MYO16: variants seen among roughly 807,000 people sequenced by gnomAD.
MYO16 encodes the protein unconventional myosin-XVI.
Under a neutral mutation model 205.3 loss-of-function variants are expected in MYO16, and 94 were observed. The ratio of observed to expected loss-of-function variants is 0.46; its 90% confidence interval spans 0.39 to 0.54. MYO16 has a LOEUF of 0.54. Ranked by LOEUF, MYO16 falls within the 20% of genes least tolerant of loss-of-function variation. The pLI is 0.00. For missense variants in MYO16, 2,315 were observed against 2,387.5 expected, an observed-to-expected ratio of 0.97 and a Z score of 0.63; for synonymous variants, 988 against 954.0, an observed-to-expected ratio of 1.04 and a Z score of -0.66.
the MYO16 span, among the ~76,000 whole-genome samples, chr13:108,584,143 C>A: frequency 6.6e-6 from 1 of 151,894 alleles, no homozygotes; most frequent in East Asian, 1.9e-4. Context: ...TTAGTAGAGA[C>A]GAGTTTTCAC....
intron 4 of MYO16, among the ~76,000 whole-genome samples, chr13:108,767,216 C>T (rs1885807817): frequency 6.6e-6 from 1 of 152,114 alleles, no homozygotes; most frequent in Non-Finnish European, 1.5e-5. Flanking sequence ...CATTCTCCTG[C>T]CTCAGTCTCC....
rs1165597995 is a variant in MYO16 at position 109,022,379 on chromosome 13, A to G, written c.2796+2468A>G. On this transcript the variant is annotated intron_variant, in intron 23 of 34. Transcript: ENST00000457511. ...ATATGTATATATGTATGTATTATAT[A>G]TACAAATATACATATATGTATATAT... Among the ~76,000 whole-genome samples the G allele has an allele frequency of 3.9e-5, 3 of 77,308 alleles. 1 individual carries two copies. Among genetic ancestry groups the G allele is most frequent in the African/African-American group, 1.1e-4 (2 of 17,826 alleles). 50.7% of individuals were successfully genotyped at this position (77,308 alleles called of 152,430 possible).
chr13:109,075,452 T>C (rs7320345), intron 27 of MYO16, among the ~76,000 whole-genome samples: 72,548 of 142,460 alleles, frequency 0.51, 17,697 homozygotes, highest in Middle Eastern at 0.57. Context: ...TACAATGGCA[T>C]GGTCTTGGCT....
intron 16 of MYO16, among the ~76,000 whole-genome samples, chr13:108,939,013 A>G (rs1330108830): frequency 6.6e-6 from 1 of 152,220 alleles, no homozygotes; most frequent in African/African-American, 2.4e-5. Flanking sequence ...GAGAGAGCAC[A>G]AAGCATCTAC....
intron 15 of MYO16, among the ~76,000 whole-genome samples, chr13:108,900,747 A>G (rs1477043447): frequency 6.6e-6 from 1 of 152,216 alleles, no homozygotes; most frequent in Non-Finnish European, 1.5e-5. Context: ...GTGTTTGAAC[A>G]ATATGAAATC....
intron 23 of MYO16, among the ~76,000 whole-genome samples, chr13:109,026,908 C>G (rs1886381792): frequency 1.3e-5 from 2 of 152,200 alleles, no homozygotes; most frequent in South Asian, 4.1e-4. Context: ...GTAAATATTA[C>G]TATTTCCGTT....
At chr13:108,813,364 A>G (rs573838090) in intron 7 of MYO16, among the ~76,000 whole-genome samples, 55 of 152,256 alleles carry the variant, frequency 3.6e-4, no homozygotes, top group Middle Eastern at 3.4e-3. Context: ...GAGCTTAGGT[A>G]TATGTAATTC....
At chr13:108,559,530 G>A in the MYO16 span, among the ~76,000 whole-genome samples, 1 of 131,276 alleles carries the variant, frequency 7.6e-6, no homozygotes, top group South Asian at 2.5e-4. Flanking sequence ...CTGGAGTGCA[G>A]TGGCGTGATC....
At chr13:109,010,186 C>A (rs897312730) in intron 22 of MYO16, among the ~76,000 whole-genome samples, 1 of 152,140 alleles carries the variant, frequency 6.6e-6, no homozygotes, top group African/African-American at 2.4e-5. Flanking sequence ...ACTATGACAA[C>A]CTTTCACATG....
intron 33 of MYO16, chr13:109,167,360 T>C (rs1310659145): frequency 7.4e-6 from 1 of 134,962 alleles, no homozygotes; most frequent in East Asian, 2.0e-4. Flanking sequence ...AAGGGATGGC[T>C]AAAGCATTGT....
chr13:109,046,816 A>G (rs1887058778), intron 23 of MYO16, 100 bp from the exon 24 acceptor site: 1 of 959,572 alleles, frequency 1.0e-6, no homozygotes, highest in Non-Finnish European at 1.6e-6. Context: ...TCTTTTATGA[A>G]TATTTGAAAA....
At chr13:108,635,745 C>A (rs1439054980) in intron 1 of MYO16, among the ~76,000 whole-genome samples, 1 of 152,144 alleles carries the variant, frequency 6.6e-6, no homozygotes, top group Non-Finnish European at 1.5e-5. Flanking sequence ...GGGGATCCAC[C>A]CGCCTCAGCC....
chr13:108,853,039 G>C (rs1388052700), intron 10 of MYO16, among the ~76,000 whole-genome samples: 2 of 152,134 alleles, frequency 1.3e-5, no homozygotes, highest in Non-Finnish European at 2.9e-5. Flanking sequence ...CTAAGATATT[G>C]ACCTGAATTT....
intron 9 of MYO16, among the ~76,000 whole-genome samples, chr13:108,839,644 T>C (rs1308483979): frequency 6.6e-6 from 1 of 152,208 alleles, no homozygotes; most frequent in Non-Finnish European, 1.5e-5. Flanking sequence ...AGATACTTGA[T>C]ATCTAGCTGG....
intron 14 of MYO16, among the ~76,000 whole-genome samples, chr13:108,891,481 A>G (rs955802605): frequency 6.6e-6 from 1 of 152,280 alleles, no homozygotes; most frequent in African/African-American, 2.4e-5. Context: ...AAGATTTTCT[A>G]TAGATAAATC....
chr13:108,967,449 A>G (rs979915176), intron 20 of MYO16, among the ~76,000 whole-genome samples: 4 of 152,216 alleles, frequency 2.6e-5, no homozygotes, highest in African/African-American at 9.7e-5. Context: ...ATTAATTAAA[A>G]TGAGCAGAAG....
intron 12 of MYO16, 152 bp downstream of exon 12, chr13:108,866,394 C>T: frequency 2.2e-6 from 1 of 454,948 alleles, no homozygotes; most frequent in Non-Finnish European, 3.8e-6. Context: ...GACTTTAATT[C>T]ATTTTGAGCA....
chr13:108,997,697 G>A (rs1377175684), intron 21 of MYO16, among the ~76,000 whole-genome samples: 1 of 152,084 alleles, frequency 6.6e-6, no homozygotes, highest in Non-Finnish European at 1.5e-5. Flanking sequence ...AAATTAGCCA[G>A]CGTGGTGGTG....
intron 20 of MYO16, among the ~76,000 whole-genome samples, chr13:108,978,823 A>C (rs1884358685): frequency 6.6e-6 from 1 of 152,042 alleles, no homozygotes. Context: ...TCTTCTGAGC[A>C]TTTGAAAGGA....
Sources: gnomAD v4.1 joint callset for allele counts (sites outside exome capture counted in the v4.1 genomes callset) on GRCh38, gnomAD v4.1.1 for gene constraint, MANE v1.5 for transcripts, NCBI Gene and HGNC (gene_info 2026-07-23, HGNC 2026-07-21) for gene names.